Variants in AFG2A observed in about 807,000 individuals in gnomAD.
AFG2A encodes ATPase family gene 2 protein homolog A.
the AFG2A span, among the ~76,000 whole-genome samples, chr4:123,227,928 G>A: frequency 1.3e-5 from 2 of 152,120 alleles, no homozygotes; most frequent in African/African-American, 4.8e-5. Flanking sequence ...AGGATAGTTA[G>A]CTCTTCTTGT....
At chr4:123,058,569 G>A in the AFG2A span, among the ~76,000 whole-genome samples, 1 of 152,160 alleles carries the variant, frequency 6.6e-6, no homozygotes, top group Admixed American at 6.5e-5. Context: ...AGGTTGCGGT[G>A]AGCTGAGACT....
the AFG2A span, among the ~76,000 whole-genome samples, chr4:122,974,330 G>T: frequency 6.6e-6 from 1 of 152,080 alleles, no homozygotes; most frequent in African/African-American, 2.4e-5. Flanking sequence ...TCTCAGTAGG[G>T]TGATGTATCT....
chr4:123,166,747 C>A, the AFG2A span, among the ~76,000 whole-genome samples: 1 of 152,098 alleles, frequency 6.6e-6, no homozygotes, highest in Non-Finnish European at 1.5e-5. Context: ...CTCTAGAAGT[C>A]TATAAATCTA....
At chr4:123,271,644 C>T in the AFG2A span, among the ~76,000 whole-genome samples, 2,149 of 152,222 alleles carry the variant, frequency 0.014, 61 homozygotes, top group African/African-American at 0.048. Context: ...ATGTTTATTC[C>T]TCTGGGTTAA....
the AFG2A span, among the ~76,000 whole-genome samples, chr4:123,298,443 A>G: frequency 6.6e-6 from 1 of 152,220 alleles, no homozygotes; most frequent in Non-Finnish European, 1.5e-5. Flanking sequence ...GTTCGACCCA[A>G]TAATATCATT....
chr4:123,062,782 T>C, the AFG2A span, among the ~76,000 whole-genome samples: 1 of 152,200 alleles, frequency 6.6e-6, no homozygotes, highest in Non-Finnish European at 1.5e-5. Context: ...CAGCTTCATA[T>C]ATGTGATTGC....
chr4:123,033,185 C>CT, the AFG2A span, among the ~76,000 whole-genome samples: 16 of 152,022 alleles, frequency 1.1e-4, no homozygotes, highest in African/African-American at 3.9e-4. Flanking sequence ...TTACAGAATG[C>CT]TTTAAGATTA....
chr4:123,050,266 T>A, the AFG2A span, among the ~76,000 whole-genome samples: 2 of 152,194 alleles, frequency 1.3e-5, no homozygotes, highest in African/African-American at 4.8e-5. Context: ...ATAACAAGAA[T>A]GTGTATATTC....
At chr4:122,968,927 T>G in the AFG2A span, among the ~76,000 whole-genome samples, 1 of 152,278 alleles carries the variant, frequency 6.6e-6, no homozygotes, top group East Asian at 1.9e-4. Flanking sequence ...CTTTGTGATG[T>G]GCCTGTCAAG....
At chr4:123,172,431 T>A in the AFG2A span, among the ~76,000 whole-genome samples, 4 of 152,214 alleles carry the variant, frequency 2.6e-5, no homozygotes, top group Non-Finnish European at 4.4e-5. Context: ...CCAGAAAGCA[T>A]AAACTTAGCC....
the AFG2A span, among the ~76,000 whole-genome samples, chr4:123,244,261 GCACTCT>G: frequency 1.3e-5 from 2 of 152,142 alleles, no homozygotes; most frequent in Non-Finnish European, 2.9e-5. Context: ...CAGCCCTGCT[GCACTCT>G]GGTGGGACTG....
the AFG2A span, among the ~76,000 whole-genome samples, chr4:122,943,978 G>C: frequency 6.6e-6 from 1 of 152,182 alleles, no homozygotes; most frequent in East Asian, 1.9e-4. Flanking sequence ...CTCTCTTCTG[G>C]CTTGTAGAGT....
the AFG2A span, among the ~76,000 whole-genome samples, chr4:122,971,360 T>C: frequency 6.6e-6 from 1 of 152,070 alleles, no homozygotes; most frequent in Non-Finnish European, 1.5e-5. Flanking sequence ...TGAGCTGAGA[T>C]TGCACCACTA....
At chr4:123,005,938 A>G in the AFG2A span, among the ~76,000 whole-genome samples, 4 of 152,210 alleles carry the variant, frequency 2.6e-5, no homozygotes, top group East Asian at 7.7e-4. Flanking sequence ...GAGTTTAAAT[A>G]TTAAGGAAAA....
chr4:123,017,491 T>G, the AFG2A span, among the ~76,000 whole-genome samples: 1 of 135,528 alleles, frequency 7.4e-6, no homozygotes, highest in Admixed American at 8.3e-5. Context: ...TTATTTTCAT[T>G]TAGATCTAAG....
chr4:123,207,280 G>C, the AFG2A span, among the ~76,000 whole-genome samples: 9 of 120,988 alleles, frequency 7.4e-5, no homozygotes, highest in Non-Finnish European at 1.4e-4. Context: ...GGTTAGTTGT[G>C]TTTCCTTTTT....
At chr4:122,942,078 A>T in the AFG2A span, among the ~76,000 whole-genome samples, 1 of 151,810 alleles carries the variant, frequency 6.6e-6, no homozygotes, top group Middle Eastern at 3.4e-3. Flanking sequence ...CATCAAGGAG[A>T]TTGGTCTAAA....
At chr4:123,049,695 G>T in the AFG2A span, among the ~76,000 whole-genome samples, 1 of 151,746 alleles carries the variant, frequency 6.6e-6, no homozygotes, top group Non-Finnish European at 1.5e-5. Flanking sequence ...TCTCTTCTCT[G>T]ATTTTATTTA....
At chr4:123,248,643 C>T in the AFG2A span, among the ~76,000 whole-genome samples, 69 of 152,258 alleles carry the variant, frequency 4.5e-4, 2 homozygotes, top group East Asian at 0.013. Flanking sequence ...ATGAATTGAG[C>T]ATTTCAGAGG....
Sources: allele counts gnomAD v4.1 joint callset (sites outside exome capture counted in the v4.1 genomes callset), GRCh38; gene constraint gnomAD v4.1.1; transcripts MANE v1.5; gene names NCBI Gene and HGNC (gene_info 2026-07-23, HGNC 2026-07-21).